Variants in SMO observed in about 807,000 individuals in gnomAD.
SMO encodes smoothened, frizzled class receptor, also known as protein smoothened.
A neutral mutation model predicts 81.6 loss-of-function variants in SMO; 40 were observed. That is an observed-to-expected ratio of 0.49 (90% CI 0.38 to 0.64). The LOEUF is 0.64. Ranked by LOEUF, SMO falls within the 30% of genes least tolerant of loss-of-function variation. The pLI is 0.00. For missense variants in SMO, 916 were observed against 1,061.1 expected, an observed-to-expected ratio of 0.86 and a Z score of 1.90; for synonymous variants, 434 against 432.1, an observed-to-expected ratio of 1.00 and a Z score of -0.05.
At position 129,205,708 on chromosome 7, in the gene SMO, G is replaced by A. The variant is rs993215623; in HGVS notation, c.846G>A (p.Leu282=). 1.7e-5 allele frequency: 28 copies of A among 1,613,124 alleles called. No homozygotes were observed. The highest frequency in any genetic ancestry group is 2.2e-5 in the Non-Finnish European group (26 of 1,180,030). Residue 282 remains leucine (L), a synonymous_variant, in exon 4 of 12, where the codon CTG becomes CTA. Transcript: ENST00000249373. The part of the protein sequence containing the change: ...ACFFVGSIGW[L]AQFMDGARRE... ...TCTTTGTGGGCAGCATTGGCTGGCT[G>A]GCCCAGTTCATGGATGGTGCCCGCC...
At chr7:129,191,298 C>T (rs1435004846) in intron 1 of SMO, among the ~76,000 whole-genome samples, 1 of 152,240 alleles carries the variant, frequency 6.6e-6, no homozygotes, top group East Asian at 1.9e-4. Flanking sequence ...GCTGAGCAGA[C>T]AGAAGTAGTT....
intron 1 of SMO, among the ~76,000 whole-genome samples, chr7:129,201,006 G>A (rs544920600): frequency 6.6e-6 from 1 of 151,590 alleles, no homozygotes; most frequent in Admixed American, 6.6e-5. Flanking sequence ...CAAAGTGCTG[G>A]GATTACAGGC....
rs1473560603 is a variant in SMO at position 129,205,380 on chromosome 7, G to A, written c.715G>A (p.Ala239Thr). 2 of 1,611,712 alleles carry A rather than the reference G, an allele frequency of 1.2e-6. No homozygotes were observed. The highest frequency in any genetic ancestry group is 1.7e-5 in the Admixed American group (1 of 59,592). Residue 239 changes from alanine to threonine, a missense_variant, in exon 3 of 12, where the codon GCC (alanine) becomes ACC (threonine). Ala to Thr is a moderately conservative substitution (Grantham distance 58). This residue lies in a region of SMO where 436 missense variants were observed against 570.9 expected (regional missense o/e 0.76). Coordinates refer to ENST00000249373, the MANE Select transcript of SMO (RefSeq NM_005631.5). ...GCACAGCTACATCGCGGCCTTCGGG[G>A]CCGTCACGGGCCTCTGCACGCTCTT... is the stretch of plus-strand genomic sequence containing the variant. ...DMHSYIAAFG[A>T]VTGLCTLFTL... is the part of the protein sequence containing the mutation.
chr7:129,206,009 C>A lies in SMO; in HGVS notation c.921-141C>A. ...GGCGGCTCCTAGAGCCTCCTCAGATCTGACCTGGGTCCTGTCTCCAAGCCC... is the reference window on the plus strand; with the variant it reads ...GGCGGCTCCTAGAGCCTCCTCAGATATGACCTGGGTCCTGTCTCCAAGCCC... On this transcript the variant is annotated intron_variant, in intron 4 of 11. Coordinates refer to ENST00000249373, the MANE Select transcript of SMO (RefSeq NM_005631.5). The surrounding 1 kb of genome is among the most constrained non-coding windows in gnomAD (Gnocchi z 4.4). 1 of 805,720 alleles carries A rather than the reference C, an allele frequency of 1.2e-6. No homozygotes were observed. Among genetic ancestry groups the A allele is most frequent in the Admixed American group, 2.5e-5 (1 of 39,410 alleles). The allele number at this position is 805,720 out of a possible 1,614,324, so 49.9% of individuals were successfully genotyped here. A position where few individuals can be genotyped will look rare whatever the true frequency, so the allele number is the denominator to read the frequency against.
Position 129,212,711 on chromosome 7 carries a change from G to C in SMO, c.*260G>C. 1 of 541,818 alleles carries C rather than the reference G, an allele frequency of 1.8e-6. No individual in the cohort carries two copies. Among genetic ancestry groups the C allele is most frequent in the Non-Finnish European group, 3.3e-6 (1 of 304,446 alleles). 33.6% of individuals were successfully genotyped at this position (541,818 alleles called of 1,614,324 possible). A position where few individuals can be genotyped will look rare whatever the true frequency, so the allele number is the denominator to read the frequency against. On this transcript the variant is annotated 3_prime_UTR_variant, in exon 12 of 12. Coordinates refer to ENST00000249373, the MANE Select transcript of SMO (RefSeq NM_005631.5). The surrounding 1 kb of genome is among the most constrained non-coding windows in gnomAD (Gnocchi z 5.0). ...TTTCTGCCCTGCCAGCTGCAGCCTGGTTGGCAGCATCTGCTCCATCGGGGC... is the reference window on the plus strand; with the variant it reads ...TTTCTGCCCTGCCAGCTGCAGCCTGCTTGGCAGCATCTGCTCCATCGGGGC...
At chr7:129,196,337 G>GTGTA (rs1165773857) in intron 1 of SMO, among the ~76,000 whole-genome samples, 7 of 151,190 alleles carry the variant, frequency 4.6e-5, no homozygotes, top group African/African-American at 1.5e-4. Context: ...TTGTGTGTGT[G>GTGTA]TGTGTGTGTG....
In SMO at chr7:129,189,088, G is replaced by C; in HGVS notation, c.-64G>C. 1 of 1,198,300 alleles carries C rather than the reference G, an allele frequency of 8.3e-7. No homozygotes were observed. Among genetic ancestry groups the C allele is most frequent in the African/African-American group, 1.6e-5 (1 of 63,358 alleles). 74.2% of individuals were successfully genotyped at this position (1,198,300 alleles called of 1,614,324 possible). The stretch of plus-strand genomic sequence containing the variant: ...CCGCGGCCGCCGAGGTCGTGCGTGT[G>C]GCCGGGGGGCTCCGAGGAGCAGGCG... On this transcript the variant is annotated 5_prime_UTR_variant, in exon 1 of 12. Coordinates refer to ENST00000249373, the MANE Select transcript of SMO (RefSeq NM_005631.5). This position sits in a 1 kb window ranked among gnomAD's most constrained non-coding sequence, Gnocchi z 4.7.
rs776727010 is a variant in SMO, at chr7:129,205,347, C to G, written c.682C>G (p.Gln228Glu). The change falls in exon 3 of 12, where the codon CAG becomes GAG. Residue 228 changes from glutamine (Q) to glutamate (E), a missense_variant. By Grantham distance (29) the Gln-to-Glu change is conservative. Around this residue, in one of 4 missense-constraint regions of SMO, gnomAD observed 436 missense variants for 570.9 expected, o/e 0.76. Coordinates refer to ENST00000249373, the MANE Select transcript of SMO (RefSeq NM_005631.5). ...CCCGCTCTTCACAGAGGCTGAGCAC[C>G]AGGACATGCACAGCTACATCGCGGC... ...QNPLFTEAEHQDMHSYIAAFG... is the reference protein window; with the variant it reads ...QNPLFTEAEHEDMHSYIAAFG... 1 of 1,613,954 alleles carries G rather than the reference C, an allele frequency of 6.2e-7. No individual in the cohort carries two copies. Among genetic ancestry groups the G allele is most frequent in the East Asian group, 2.2e-5 (1 of 44,858 alleles).
chr7:129,192,805 G>A (rs1034983810), intron 1 of SMO, among the ~76,000 whole-genome samples: 2 of 152,168 alleles, frequency 1.3e-5, no homozygotes, highest in African/African-American at 2.4e-5. Flanking sequence ...GATTTTGGCC[G>A]TGTGAATTAG....
chr7:129,196,389 C>T (rs978426131), intron 1 of SMO, among the ~76,000 whole-genome samples: 17 of 150,762 alleles, frequency 1.1e-4, no homozygotes, highest in East Asian at 1.9e-4. Context: ...CCTATTGTCC[C>T]GGCTGGTCTT....
In SMO at chr7:129,195,917, C is replaced by T. The variant is rs143799710; in HGVS notation, c.331+6435C>T. ...GAAGTCGAGACCATCCTGGCTAACA[C>T]GGTGAAACCCCATCTCTACTAAAAA... On this transcript the variant is annotated intron_variant, in intron 1 of 11. Coordinates refer to ENST00000249373, the MANE Select transcript of SMO (RefSeq NM_005631.5). Among the ~76,000 whole-genome samples, 238 of 151,846 alleles carry T rather than the reference C, an allele frequency of 1.6e-3. 2 individuals are homozygous for T. Among genetic ancestry groups the T allele is most frequent in the East Asian group, 5.6e-3 (29 of 5,162 alleles).
In SMO at chr7:129,212,631, A is replaced by T. The variant is rs1793897092; in HGVS notation, c.*180A>T. 3.2e-6 allele frequency: 2 copies of T among 631,518 alleles called. No individual in the cohort carries two copies. The highest frequency in any genetic ancestry group is 1.8e-5 in the African/African-American group (1 of 54,380). The allele number at this position is 631,518 out of a possible 1,614,324, so 39.1% of individuals were successfully genotyped here. On this transcript the variant is annotated 3_prime_UTR_variant, in exon 12 of 12. Transcript: ENST00000249373. This position sits in a 1 kb window ranked among gnomAD's most constrained non-coding sequence, Gnocchi z 5.0. ...GCAGGACTGTGGGAAAGAGCCTAAC[A>T]TCTCCATGGGGAGGCCTCACCCCAG... is the stretch of plus-strand genomic sequence containing the variant.
Position 129,211,877 on chromosome 7 carries a change from GC to G in SMO, c.1936+111del. 1 of 1,492,570 alleles carries G rather than the reference GC, an allele frequency of 6.7e-7. No individual in the cohort carries two copies. The allele number at this position is 1,492,570 out of a possible 1,614,324, so 92.5% of individuals were successfully genotyped here. A position where few individuals can be genotyped will look rare whatever the true frequency, so the allele number is the denominator to read the frequency against. ...GGAGGAGGAGGAAGAGGAAGGAAAGGCCCCAGAGGATCTGAAGAGTGGGGCT... is the reference window on the plus strand; with the variant it reads ...GGAGGAGGAGGAAGAGGAAGGAAAGGCCCAGAGGATCTGAAGAGTGGGGCT... On this transcript the variant is annotated intron_variant, in intron 11 of 11. Transcript: ENST00000249373. This position sits in a 1 kb window ranked among gnomAD's most constrained non-coding sequence, Gnocchi z 4.6.
At chr7:129,207,300 T>C (rs1793789580) in intron 6 of SMO, among the ~76,000 whole-genome samples, 1 of 152,214 alleles carries the variant, frequency 6.6e-6, no homozygotes. Context: ...ATATGTACTG[T>C]CAATCTTCTG....
chr7:129,198,004 C>T (rs1017502268), intron 1 of SMO, among the ~76,000 whole-genome samples: 15 of 152,160 alleles, frequency 9.9e-5, no homozygotes, highest in African/African-American at 3.6e-4. Flanking sequence ...CTGATATCCC[C>T]TCTCTTTCTC....
At position 129,210,427 on chromosome 7, in the gene SMO, A is replaced by G. The variant is rs2150653775; in HGVS notation, c.1531A>G (p.Asn511Asp). ...KQPIPDCEIK[N>D]RPSLLVEKIN... ...GCCCATCCCTGACTGTGAGATCAAG[A>G]ATCGCCCGAGCCTTCTGGTGGAGAA... Residue 511 changes from asparagine (N) to aspartate (D), a missense_variant, in exon 9 of 12, where the codon AAT (asparagine) becomes GAT (aspartate). Around this residue, in one of 4 missense-constraint regions of SMO, gnomAD observed 436 missense variants for 570.9 expected, o/e 0.76. Coordinates refer to ENST00000249373, the MANE Select transcript of SMO (RefSeq NM_005631.5). This position sits in a 1 kb window ranked among gnomAD's most constrained non-coding sequence, Gnocchi z 4.7. The G allele has an allele frequency of 1.2e-6, 2 of 1,614,202 alleles. No homozygotes were observed. Among genetic ancestry groups the G allele is most frequent in the Non-Finnish European group, 1.7e-6 (2 of 1,180,002 alleles).
In SMO at chr7:129,189,165, G is replaced by C. The variant is rs1406355067; in HGVS notation, c.14G>C (p.Arg5Pro). The C allele has an allele frequency of 1.7e-6, 2 of 1,183,914 alleles. No homozygotes were observed. The highest frequency in any genetic ancestry group is 2.1e-6 in the Non-Finnish European group (2 of 949,414). The allele number at this position is 1,183,914 out of a possible 1,614,324, so 73.3% of individuals were successfully genotyped here. The change falls in exon 1 of 12, where the codon CGC (arginine) becomes CCC (proline). Residue 5 changes from arginine (R) to proline (P), a missense_variant. By Grantham distance (103) the Arg-to-Pro change is moderately radical (BLOSUM62 -2). Coordinates refer to ENST00000249373, the MANE Select transcript of SMO (RefSeq NM_005631.5). This position sits in a 1 kb window ranked among gnomAD's most constrained non-coding sequence, Gnocchi z 4.7. MAAA[R>P]PARGPELPLL... ...GCGGGGTTGGCCATGGCCGCTGCCC[G>C]CCCAGCGCGGGGGCCGGAGCTCCCG...
In SMO at chr7:129,209,387, G is replaced by A. The variant is rs1193567638; in HGVS notation, c.1456G>A (p.Asp486Asn). Residue 486 changes from aspartate to asparagine, a missense_variant, in exon 8 of 12, where the codon GAC (aspartate) becomes AAC (asparagine). Asp to Asn is a conservative substitution (Grantham distance 23). This residue lies in a region of SMO where 436 missense variants were observed against 570.9 expected (regional missense o/e 0.76). Transcript: ENST00000249373. The stretch of plus-strand genomic sequence containing the variant: ...GGCTGAGTGGGAGCGCAGCTTCCGG[G>A]ACTATGTGCTGTGAGTGAGGGGCAT... ...NQAEWERSFR[D>N]YVLCQANVTI... 6.2e-7 allele frequency: 1 copy of A among 1,610,006 alleles called. No individual in the cohort carries two copies. The highest frequency in any genetic ancestry group is 8.5e-7 in the Non-Finnish European group (1 of 1,176,226).
At chr7:129,192,249 T>C (rs1381749586) in intron 1 of SMO, among the ~76,000 whole-genome samples, 1 of 152,054 alleles carries the variant, frequency 6.6e-6, no homozygotes, top group Non-Finnish European at 1.5e-5. Flanking sequence ...GGAAATAGCA[T>C]GTACAAAGGT....
Sources: gnomAD v4.1 joint callset for allele counts (sites outside exome capture counted in the v4.1 genomes callset) on GRCh38, gnomAD v4.1.1 for gene constraint, gnomAD v4.1.1 regional missense constraint, Gnocchi (gnomAD v3.1) non-coding constraint, MANE v1.5 for transcripts, NCBI Gene and HGNC (gene_info 2026-07-23, HGNC 2026-07-21) for gene names.